The following SLC5A4 variants were observed in gnomAD, a reference collection of about 807,000 sequenced individuals.
SLC5A4 encodes solute carrier family 5 member 4.
Under a neutral mutation model 70.3 loss-of-function variants are expected in SLC5A4, and 55 were observed. The ratio of observed to expected loss-of-function variants is 0.78; its 90% CI spans 0.63 to 0.98. The LOEUF is 0.98. Ranked by LOEUF, SLC5A4 falls within the 50% of genes least tolerant of loss-of-function variation. The pLI is 0.00. For synonymous variants in SLC5A4, 268 were observed against 305.7 expected, an observed-to-expected ratio of 0.88 and a Z score of 1.29; for missense variants, 735 against 839.2, an observed-to-expected ratio of 0.88 and a Z score of 1.53.
the SLC5A4 span, among the ~76,000 whole-genome samples, chr22:32,274,705 T>C: frequency 6.6e-6 from 1 of 152,158 alleles, no homozygotes; most frequent in Non-Finnish European, 1.5e-5. Flanking sequence ...AGCTCCAAAA[T>C]AGAACATGTG....
At chr22:32,331,128 T>C in the SLC5A4 span, among the ~76,000 whole-genome samples, 8 of 91,714 alleles carry the variant, frequency 8.7e-5, 1 homozygote, top group Non-Finnish European at 1.3e-4. Context: ...TTCGAGGCTC[T>C]GGTGTGTCTG....
intron 10 of SLC5A4, 22 bp downstream of exon 10, chr22:32,230,946 C>T: frequency 6.5e-7 from 1 of 1,530,702 alleles, no homozygotes; most frequent in Non-Finnish European, 9.1e-7. Context: ...CTGGGGCTGT[C>T]CCAGCAGGGA....
At chr22:32,292,120 C>T in the SLC5A4 span, among the ~76,000 whole-genome samples, 1 of 88,492 alleles carries the variant, frequency 1.1e-5, no homozygotes, top group African/African-American at 5.6e-5. Flanking sequence ...ATATATAATA[C>T]ATATACTAGA....
chr22:32,351,724 AGGGTGG>A, the SLC5A4 span, among the ~76,000 whole-genome samples: 2 of 6,256 alleles, frequency 3.2e-4, no homozygotes, highest in Non-Finnish European at 4.8e-4. Flanking sequence ...GCGTGGGGGG[AGGGTGG>A]GGGCGGTGGG....
intron 5 of SLC5A4, among the ~76,000 whole-genome samples, chr22:32,243,751 C>T (rs1926664537): frequency 6.6e-6 from 1 of 152,134 alleles, no homozygotes. Context: ...CTTTGGGAGG[C>T]CAAGCAGGGT....
the SLC5A4 span, chr22:32,327,280 C>T: frequency 6.6e-6 from 1 of 152,234 alleles, no homozygotes; most frequent in East Asian, 1.9e-4. Context: ...ATGCAATGGG[C>T]ACAGATCCAG....
chr22:32,242,789 T>C (rs1926614907), intron 5 of SLC5A4, among the ~76,000 whole-genome samples: 1 of 152,184 alleles, frequency 6.6e-6, no homozygotes, highest in African/African-American at 2.4e-5. Flanking sequence ...TCCATATCAG[T>C]AATAGATAAA....
upstream of SLC5A4, chr22:32,255,404 G>C: frequency 1.3e-6 from 2 of 1,521,960 alleles, no homozygotes; most frequent in Non-Finnish European, 1.8e-6. Flanking sequence ...ATCAGCCTCA[G>C]GCAGGTGGGG....
chr22:32,223,151 C>T (rs952242251), intron 13 of SLC5A4, among the ~76,000 whole-genome samples: 1 of 152,180 alleles, frequency 6.6e-6, no homozygotes, highest in African/African-American at 2.4e-5. Flanking sequence ...TAAACAGCTG[C>T]ATAATGTTCA....
the SLC5A4 span, chr22:32,270,470 C>T: frequency 4.5e-4 from 414 of 920,964 alleles, 3 homozygotes; most frequent in African/African-American, 5.8e-3. Flanking sequence ...GGGGAGGGCA[C>T]GGAGCAGGAA....
intron 11 of SLC5A4, 74 bp from the exon 12 acceptor site, chr22:32,225,897 C>T (rs956006368): frequency 1.5e-5 from 16 of 1,041,328 alleles, no homozygotes; most frequent in Admixed American, 3.0e-5. Flanking sequence ...TTAGTTCTAG[C>T]GTTCATTCTT....
At chr22:32,278,647 A>G in the SLC5A4 span, among the ~76,000 whole-genome samples, 1 of 152,238 alleles carries the variant, frequency 6.6e-6, no homozygotes, top group Non-Finnish European at 1.5e-5. Flanking sequence ...TTTAAAAAAT[A>G]CTATATTCAA....
the SLC5A4 span, chr22:32,272,312 C>G: frequency 8.5e-6 from 7 of 822,176 alleles, no homozygotes; most frequent in Non-Finnish European, 1.5e-5. Context: ...AGAAGGGGCC[C>G]GTGACTGCCC....
the SLC5A4 span, among the ~76,000 whole-genome samples, chr22:32,316,225 G>A: frequency 6.6e-6 from 1 of 151,922 alleles, no homozygotes; most frequent in Non-Finnish European, 1.5e-5. Flanking sequence ...TTTAAAAATA[G>A]TTAAAATGGT....
At chr22:32,325,028 T>A in the SLC5A4 span, among the ~76,000 whole-genome samples, 1 of 152,266 alleles carries the variant, frequency 6.6e-6, no homozygotes. Flanking sequence ...AGCACTCGCC[T>A]GCCCTGATGC....
the SLC5A4 span, among the ~76,000 whole-genome samples, chr22:32,340,678 G>C: frequency 4.6e-5 from 7 of 152,198 alleles, no homozygotes; most frequent in Admixed American, 4.6e-4. Context: ...TCCCGGAGGG[G>C]AGAGGTCTGG....
chr22:32,285,159 T>C, the SLC5A4 span: 1 of 152,200 alleles, frequency 6.6e-6, no homozygotes, highest in African/African-American at 2.4e-5. Flanking sequence ...GATATATATA[T>C]GCGTATATAC....
the SLC5A4 span, among the ~76,000 whole-genome samples, chr22:32,304,046 T>C: frequency 7.9e-5 from 12 of 152,352 alleles, no homozygotes; most frequent in Admixed American, 3.3e-4. Context: ...TGATGACATA[T>C]GAGATGGAGC....
chr22:32,345,136 T>C, the SLC5A4 span, among the ~76,000 whole-genome samples: 14,248 of 152,114 alleles, frequency 0.094, 696 homozygotes, highest in African/African-American at 0.1. Flanking sequence ...GTGAGGCAAA[T>C]TTGTATAGAA....
Sources: allele counts gnomAD v4.1 joint callset (sites outside exome capture counted in the v4.1 genomes callset), GRCh38; gene constraint gnomAD v4.1.1; transcripts MANE v1.5; gene names NCBI Gene and HGNC (gene_info 2026-07-23, HGNC 2026-07-21).